SHISA6: variants seen among roughly 807,000 people sequenced by gnomAD.
The protein encoded by SHISA6 is protein shisa-6.
A neutral mutation model predicts 47.9 loss-of-function variants in SHISA6; 22 were observed. The observed-to-expected ratio is 0.46, with a 90% CI of 0.33 to 0.66. The LOEUF is 0.66. Ranked by LOEUF, SHISA6 falls within the 30% of genes least tolerant of loss-of-function variation. The pLI, the probability that SHISA6 is intolerant of heterozygous loss-of-function variation, is 0.02. For missense variants in SHISA6, 680 were observed against 764.6 expected, an observed-to-expected ratio of 0.89 and a Z score of 1.30; for synonymous variants, 388 against 337.8, an observed-to-expected ratio of 1.15 and a Z score of -1.63.
chr17:11,536,144 T>A (rs1235358972), intron 3 of SHISA6, among the ~76,000 whole-genome samples: 1 of 152,094 alleles, frequency 6.6e-6, no homozygotes, highest in African/African-American at 2.4e-5. Context: ...CCAGTTGGTA[T>A]TATAATGGGA....
intron 3 of SHISA6, among the ~76,000 whole-genome samples, chr17:11,443,960 C>T (rs1915162222): frequency 6.6e-6 from 1 of 151,966 alleles, no homozygotes; most frequent in Non-Finnish European, 1.5e-5. Context: ...AGGCATTTCA[C>T]CATAAGTGAT....
Position 11,558,076 on chromosome 17 carries a change from G to A in SHISA6, c.1428G>A (p.Ser476=). The A allele has an allele frequency of 1.1e-5, 17 of 1,551,598 alleles. No homozygotes were observed. The highest frequency in any genetic ancestry group is 3.6e-5 in the South Asian group (3 of 84,064). The change falls in exon 6 of 6, where the codon TCG becomes TCA. Residue 476 remains serine (S), a synonymous_variant. Transcript: ENST00000441885. The part of the protein sequence containing the change: ...FPEQSLSRAI[S]HTDVFVSTPV... ...AGCAGTCGCTGTCCAGGGCCATCTC[G>A]CACACGGACGTCTTTGTGTCCACAC... is the stretch of plus-strand genomic sequence containing the variant.
chr17:11,439,351 AG>A (rs1915038975), intron 3 of SHISA6, among the ~76,000 whole-genome samples: 1 of 152,168 alleles, frequency 6.6e-6, no homozygotes, highest in Non-Finnish European at 1.5e-5. Context: ...CAGTTGTCAC[AG>A]GGGCCAGCCT....
At chr17:11,335,228 C>T (rs969568689) in intron 2 of SHISA6, among the ~76,000 whole-genome samples, 3 of 152,204 alleles carry the variant, frequency 2.0e-5, no homozygotes, top group South Asian at 2.1e-4. Flanking sequence ...AGACTTATCC[C>T]ATATCGCAGG....
intron 3 of SHISA6, among the ~76,000 whole-genome samples, chr17:11,546,265 G>GTAACCTAATAA (rs1209232882): frequency 2.6e-5 from 4 of 152,100 alleles, no homozygotes; most frequent in African/African-American, 9.7e-5. Context: ...AATTGACTTA[G>GTAACCTAATAA]GTTAAGTCAA....
At chr17:11,423,730 A>G (rs1249085978) in intron 3 of SHISA6, among the ~76,000 whole-genome samples, 1 of 152,142 alleles carries the variant, frequency 6.6e-6, no homozygotes, top group Non-Finnish European at 1.5e-5. Flanking sequence ...TAGCACTTGA[A>G]CAGAAGAAGC....
intron 2 of SHISA6, among the ~76,000 whole-genome samples, chr17:11,292,167 G>T (rs374169805): frequency 2.0e-5 from 3 of 152,020 alleles, no homozygotes; most frequent in Admixed American, 6.6e-5. Flanking sequence ...CACCCACAAA[G>T]ATCTCATTTT....
At position 11,561,472 on chromosome 17, in the gene SHISA6, G is replaced by C. The variant is rs1332359742; in HGVS notation, c.*3168G>C. On this transcript the variant is annotated 3_prime_UTR_variant, in exon 6 of 6. Coordinates refer to ENST00000441885, the MANE Select transcript of SHISA6 (RefSeq NM_207386.4). The stretch of plus-strand genomic sequence containing the variant: ...CTCCATGCCTTCCTGTGTCAAAAAG[G>C]CTTTGCCAAGAATTACTTCACCTCC... 6.6e-6 allele frequency: 1 copy of C among 152,446 alleles called. No homozygotes were observed. Among genetic ancestry groups the C allele is most frequent in the South Asian group, 2.1e-4 (1 of 4,830 alleles). The allele number at this position is 152,446 out of a possible 1,614,324, so 9.4% of individuals were successfully genotyped here. A position where few individuals can be genotyped will look rare whatever the true frequency, so the allele number is the denominator to read the frequency against.
intron 3 of SHISA6, among the ~76,000 whole-genome samples, chr17:11,521,490 T>C (rs1323396438): frequency 7.2e-5 from 11 of 152,134 alleles, no homozygotes; most frequent in Admixed American, 6.5e-4. Context: ...ATACTAGTGA[T>C]GAAGAAACTG....
chr17:11,356,776 G>A (rs1286384060), intron 2 of SHISA6, among the ~76,000 whole-genome samples: 1 of 152,124 alleles, frequency 6.6e-6, no homozygotes, highest in Non-Finnish European at 1.5e-5. Context: ...CTGAGTTGAG[G>A]TCTGATGTTA....
intron 2 of SHISA6, among the ~76,000 whole-genome samples, chr17:11,363,037 C>T (rs1405938662): frequency 6.6e-6 from 1 of 152,204 alleles, no homozygotes; most frequent in African/African-American, 2.4e-5. Context: ...AGTCCACTTT[C>T]TGGTGCAGTC....
intron 3 of SHISA6, among the ~76,000 whole-genome samples, chr17:11,512,431 A>T (rs2142355728): frequency 6.6e-6 from 1 of 152,324 alleles, no homozygotes; most frequent in South Asian, 2.1e-4. Flanking sequence ...CTCTGTGGTG[A>T]ATCCTGTTCT....
chr17:11,483,875 G>C (rs1916279862), intron 3 of SHISA6, among the ~76,000 whole-genome samples: 1 of 152,158 alleles, frequency 6.6e-6, no homozygotes, highest in South Asian at 2.1e-4. Context: ...AGGATCGCTT[G>C]AGTCCAAGAG....
At chr17:11,369,532 T>A (rs1343344748) in intron 2 of SHISA6, among the ~76,000 whole-genome samples, 1 of 152,218 alleles carries the variant, frequency 6.6e-6, no homozygotes, top group African/African-American at 2.4e-5. Context: ...AGGTCTCAGT[T>A]GCCCCATGGG....
At chr17:11,301,648 CTT>C (rs1258494733) in intron 2 of SHISA6, among the ~76,000 whole-genome samples, 1 of 152,208 alleles carries the variant, frequency 6.6e-6, no homozygotes, top group African/African-American at 2.4e-5. Flanking sequence ...TTCCAGAAAA[CTT>C]CCCACTCTTA....
intron 2 of SHISA6, among the ~76,000 whole-genome samples, chr17:11,286,900 C>T (rs1909318295): frequency 6.6e-6 from 1 of 152,110 alleles, no homozygotes; most frequent in Non-Finnish European, 1.5e-5. Flanking sequence ...AAGGTGATGT[C>T]CTGAATGCCT....
intron 2 of SHISA6, among the ~76,000 whole-genome samples, chr17:11,366,421 T>C (rs1912451635): frequency 6.6e-6 from 1 of 152,240 alleles, no homozygotes; most frequent in South Asian, 2.1e-4. Context: ...ATTACAGGCA[T>C]GAGCCACTGT....
At chr17:11,350,174 A>ATTTTTTTTTTTTTTTTTTT (rs1310542458) in intron 2 of SHISA6, among the ~76,000 whole-genome samples, 7 of 100,378 alleles carry the variant, frequency 7.0e-5, no homozygotes, top group African/African-American at 3.0e-4. Context: ...TTATTTATTT[A>ATTTTTTTTTTTTTTTTTTT]TTTATTTATT....
At chr17:11,391,748 A>C (rs1337666729) in intron 3 of SHISA6, among the ~76,000 whole-genome samples, 1 of 152,140 alleles carries the variant, frequency 6.6e-6, no homozygotes, top group Non-Finnish European at 1.5e-5. Context: ...AGAGCATTGA[A>C]GATTGATAAG....
Sources: gnomAD v4.1 joint callset for allele counts (sites outside exome capture counted in the v4.1 genomes callset) on GRCh38, gnomAD v4.1.1 for gene constraint, MANE v1.5 for transcripts, NCBI Gene and HGNC (gene_info 2026-07-23, HGNC 2026-07-21) for gene names.